RRM2: variants seen among roughly 807,000 people sequenced by gnomAD.
RRM2 encodes the protein ribonucleotide reductase regulatory subunit M2.
A neutral mutation model predicts 45.9 loss-of-function variants in RRM2; 6 were observed. The ratio of observed to expected loss-of-function variants is 0.13; its 90% CI spans 0.07 to 0.26. RRM2 has a LOEUF of 0.26. Ranked by LOEUF, RRM2 falls within the 10% of genes least tolerant of loss-of-function variation. The pLI is 1.00. For missense variants in RRM2, 343 were observed against 489.5 expected (o/e 0.70, Z 2.82); for synonymous variants, 177 against 173.0 (o/e 1.02, Z -0.18).
Position 10,123,073 on chromosome 2 carries a change from G to C in RRM2, c.174+16G>C, listed in dbSNP as rs1662698949. On this transcript the variant is annotated intron_variant, in intron 2 of 9. Coordinates refer to ENST00000304567, the MANE Select transcript of RRM2 (RefSeq NM_001034.4). ...CACGGAGCCGGTGAGTGGCGGGCGT[G>C]GGGCAGAGGGGCCAGGGACGGCCTT... 1 of 1,540,802 alleles carries C rather than the reference G, an allele frequency of 6.5e-7. No homozygotes were observed. The highest frequency in any genetic ancestry group is 1.2e-5 in the South Asian group (1 of 84,674).
chr2:10,160,330 G>A (rs1054049251), intron 3 of RRM2, among the ~76,000 whole-genome samples: 6 of 152,188 alleles, frequency 3.9e-5, no homozygotes, highest in African/African-American at 9.6e-5. Flanking sequence ...CCTGGGGAGC[G>A]GTGCCAAAGT....
Position 10,189,963 on chromosome 2 carries a change from G to T in RRM2, n.483-20348G>T, listed in dbSNP as rs572106304. ...GATAGTGATAATGGTGGTGATGGTGGTAGTGATGGTGATGATGGTGGTGAT... is the reference window on the plus strand; with the variant it reads ...GATAGTGATAATGGTGGTGATGGTGTTAGTGATGGTGATGATGGTGGTGAT... On this transcript the variant is annotated intron_variant and non_coding_transcript_variant, in intron 3 of 3. Coordinates refer to the RRM2 transcript ENST00000381786. Among the ~76,000 whole-genome samples, 1,398 of 151,594 alleles carry T rather than the reference G, an allele frequency of 9.2e-3. 80 individuals are homozygous for T. Among genetic ancestry groups the T allele is most frequent in the Admixed American group, 0.083 (1,266 of 15,276 alleles).
chr2:10,179,338 G>T (rs1663996451), intron 3 of RRM2, among the ~76,000 whole-genome samples: 2 of 152,130 alleles, frequency 1.3e-5, no homozygotes, highest in Admixed American at 6.5e-5. Context: ...TTTTAGTAGA[G>T]ACAGGGTTTC....
intron 3 of RRM2, among the ~76,000 whole-genome samples, chr2:10,145,055 G>A (rs1663161053): frequency 6.6e-6 from 1 of 152,194 alleles, no homozygotes. Flanking sequence ...GGAGTCTGTG[G>A]GAGAGTGGAA....
intron 5 of RRM2, 67 bp downstream of exon 5, chr2:10,124,917 A>G: frequency 6.9e-7 from 1 of 1,450,936 alleles, no homozygotes; most frequent in East Asian, 2.3e-5. Context: ...ACACATTTTT[A>G]GTTCACCTAG....
At chr2:10,177,514 C>G (rs953098947) in intron 3 of RRM2, among the ~76,000 whole-genome samples, 2 of 152,108 alleles carry the variant, frequency 1.3e-5, no homozygotes, top group Non-Finnish European at 2.9e-5. Context: ...GATGTTGATT[C>G]AATGTCCTCA....
intron 3 of RRM2, among the ~76,000 whole-genome samples, chr2:10,147,679 A>T (rs2125313923): frequency 6.6e-6 from 1 of 152,340 alleles, no homozygotes; most frequent in Middle Eastern, 3.4e-3. Flanking sequence ...TTTCAATAGT[A>T]TGTTTCCTAC....
rs114588808 is a variant in RRM2 at position 10,204,858 on chromosome 2, A to G, written n.483-5453A>G. Among the ~76,000 whole-genome samples, 485 of 152,280 alleles carry G rather than the reference A, an allele frequency of 3.2e-3. 3 individuals are homozygous for G. Among genetic ancestry groups the G allele is most frequent in the Non-Finnish European group, 5.3e-3 (358 of 68,018 alleles). On this transcript the variant is annotated intron_variant and non_coding_transcript_variant, in intron 3 of 3. Transcript: ENST00000381786. This position sits in a 1 kb window ranked among gnomAD's most constrained non-coding sequence, Gnocchi z 4.0. ...TCCTGATGTGGTCAGAGATGTCGTC[A>G]TGTGCCACTAACAGGCGTCGCCAAG...
At chr2:10,197,143 G>A (rs2125331210) in intron 3 of RRM2, among the ~76,000 whole-genome samples, 1 of 152,324 alleles carries the variant, frequency 6.6e-6, no homozygotes, top group African/African-American at 2.4e-5. Context: ...GTCCTGCATT[G>A]TGCTGACTCA....
chr2:10,178,489 C>T (rs938811589), intron 3 of RRM2, among the ~76,000 whole-genome samples: 2 of 152,082 alleles, frequency 1.3e-5, no homozygotes, highest in African/African-American at 4.8e-5. Flanking sequence ...TCCCAAAGTG[C>T]TGGAATTACA....
chr2:10,174,449 C>A (rs1040775374), intron 3 of RRM2, among the ~76,000 whole-genome samples: 1 of 152,088 alleles, frequency 6.6e-6, no homozygotes, highest in African/African-American at 2.4e-5. Context: ...AGCTCTGTGT[C>A]CCCCGCCAAA....
At chr2:10,167,220 G>GA (rs1663700929) in intron 3 of RRM2, among the ~76,000 whole-genome samples, 2 of 152,208 alleles carry the variant, frequency 1.3e-5, no homozygotes, top group Admixed American at 1.3e-4. Context: ...TGCCCCATAA[G>GA]AAGCGCTCAG....
At position 10,123,012 on chromosome 2, in the gene RRM2, G is replaced by C; in HGVS notation, c.129G>C (p.Leu43=). ...CGGCCCTGAGCGGGACCCGCGTCCT[G>C]GCCAGCAAGACCGCGAGGAGGATCT... is the stretch of plus-strand genomic sequence containing the variant. ...TPPALSGTRV[L]ASKTARRIFQ... The change falls in exon 2 of 10, where the codon CTG becomes CTC. Residue 43 remains leucine (L), a synonymous_variant. Transcript: ENST00000304567. 1 of 1,565,488 alleles carries C rather than the reference G, an allele frequency of 6.4e-7. No individual in the cohort carries two copies. The highest frequency in any genetic ancestry group is 8.6e-7 in the Non-Finnish European group (1 of 1,162,404).
upstream of RRM2, among the ~76,000 whole-genome samples, chr2:10,136,656 C>T (rs778549021): frequency 6.6e-6 from 1 of 152,052 alleles, no homozygotes; most frequent in Non-Finnish European, 1.5e-5. Flanking sequence ...ATCTGTAGTC[C>T]CGGCTACTCA....
At chr2:10,182,164 A>G (rs1297924708) in intron 3 of RRM2, among the ~76,000 whole-genome samples, 1 of 152,024 alleles carries the variant, frequency 6.6e-6, no homozygotes, top group East Asian at 1.9e-4. Flanking sequence ...ATGGTGAAAC[A>G]CTGTCTCTAC....
intron 3 of RRM2, chr2:10,199,434 G>A (rs1288581906): frequency 6.6e-6 from 1 of 152,078 alleles, no homozygotes; most frequent in Non-Finnish European, 1.5e-5. Context: ...CAACAGGTGT[G>A]CTACAGTTTT....
chr2:10,188,145 C>G (rs933701954), intron 3 of RRM2, among the ~76,000 whole-genome samples: 5 of 152,222 alleles, frequency 3.3e-5, no homozygotes, highest in South Asian at 2.1e-4. Context: ...GGGCTTCCCC[C>G]TCCCACTTTG....
intron 3 of RRM2, among the ~76,000 whole-genome samples, chr2:10,203,151 C>T (rs914262284): frequency 1.3e-5 from 2 of 152,178 alleles, no homozygotes; most frequent in Non-Finnish European, 1.5e-5. Flanking sequence ...ACATCTGGCT[C>T]GGAAAGCAGT....
chr2:10,189,019 C>T (rs1664227431), intron 3 of RRM2, among the ~76,000 whole-genome samples: 1 of 152,210 alleles, frequency 6.6e-6, no homozygotes, highest in Non-Finnish European at 1.5e-5. Flanking sequence ...ACATCAATCA[C>T]TCAGGCCACA....
Sources: allele counts gnomAD v4.1 joint callset (sites outside exome capture counted in the v4.1 genomes callset), GRCh38; gene constraint gnomAD v4.1.1; non-coding constraint Gnocchi (gnomAD v3.1); transcripts MANE v1.5; gene names NCBI Gene and HGNC (gene_info 2026-07-23, HGNC 2026-07-21).